Variants in SHISA9 observed in about 807,000 individuals in gnomAD.
The protein encoded by SHISA9 is protein shisa-9.
A neutral mutation model predicts 38.0 loss-of-function variants in SHISA9; 13 were observed. That is an observed-to-expected ratio of 0.34 (90% CI 0.22 to 0.54). The LOEUF (loss-of-function observed/expected upper bound fraction) is 0.54. Among genes scored for constraint, SHISA9 ranks in the 20% least tolerant of loss-of-function variants. The pLI is 0.91. For synonymous variants in SHISA9, 275 were observed against 242.0 expected (o/e 1.14, Z -1.27); for missense variants, 538 against 575.8 (o/e 0.93, Z 0.67).
the SHISA9 span, among the ~76,000 whole-genome samples, chr16:13,553,957 CA>C: frequency 6.6e-6 from 1 of 152,014 alleles, no homozygotes; most frequent in Non-Finnish European, 1.5e-5. Flanking sequence ...TAAAGGATTA[CA>C]AATAAAATCC....
intron 2 of SHISA9, among the ~76,000 whole-genome samples, chr16:12,953,242 A>AAC (rs2141779052): frequency 1.3e-5 from 2 of 151,786 alleles, no homozygotes; most frequent in East Asian, 1.9e-4. Context: ...ACAACAACAA[A>AAC]AAACAGCCAA....
chr16:13,398,119 G>GTC, the SHISA9 span, among the ~76,000 whole-genome samples: 1 of 152,172 alleles, frequency 6.6e-6, no homozygotes, highest in Non-Finnish European at 1.5e-5. Context: ...AGCCGCTTGT[G>GTC]TCTCTGCCTA....
At chr16:12,976,255 C>CT (rs1023848719) in intron 2 of SHISA9, among the ~76,000 whole-genome samples, 5 of 151,918 alleles carry the variant, frequency 3.3e-5, no homozygotes, top group Non-Finnish European at 7.4e-5. Context: ...ACTCAGCTAA[C>CT]TTTTTTTGTA....
At chr16:13,033,280 C>A (rs566975089) in intron 2 of SHISA9, among the ~76,000 whole-genome samples, 2 of 152,112 alleles carry the variant, frequency 1.3e-5, no homozygotes, top group African/African-American at 4.8e-5. Flanking sequence ...TGAAGGGAGG[C>A]GGGAAGGTGG....
the SHISA9 span, among the ~76,000 whole-genome samples, chr16:13,492,769 A>G: frequency 6.6e-6 from 1 of 152,262 alleles, no homozygotes; most frequent in Non-Finnish European, 1.5e-5. Flanking sequence ...CATTTAAAGC[A>G]GAATGTTTTG....
chr16:12,925,802 T>C (rs1047875956), intron 2 of SHISA9, among the ~76,000 whole-genome samples: 1 of 152,234 alleles, frequency 6.6e-6, no homozygotes, highest in African/African-American at 2.4e-5. Context: ...ACTATAGCAT[T>C]GATACTTAGT....
the SHISA9 span, chr16:13,458,787 TA>T: frequency 5.4e-6 from 1 of 186,800 alleles, no homozygotes. Flanking sequence ...AAACTGAATG[TA>T]AACATTTAAT....
intron 2 of SHISA9, among the ~76,000 whole-genome samples, chr16:13,167,380 C>T (rs1471689297): frequency 6.6e-6 from 1 of 152,094 alleles, no homozygotes; most frequent in African/African-American, 2.4e-5. Flanking sequence ...CCACTTTACT[C>T]CTCTTCTCAG....
intron 2 of SHISA9, among the ~76,000 whole-genome samples, chr16:13,172,077 T>C (rs1249401428): frequency 6.6e-6 from 1 of 152,144 alleles, no homozygotes; most frequent in Non-Finnish European, 1.5e-5. Context: ...CTTTCCCTCC[T>C]TCCCTCCTCT....
chr16:13,488,099 CA>C, the SHISA9 span, among the ~76,000 whole-genome samples: 1 of 152,108 alleles, frequency 6.6e-6, no homozygotes, highest in Non-Finnish European at 1.5e-5. Flanking sequence ...AATGGACCAC[CA>C]GGGGGGTTTG....
chr16:13,188,695 T>G (rs2050852783), intron 2 of SHISA9, among the ~76,000 whole-genome samples: 1 of 115,958 alleles, frequency 8.6e-6, no homozygotes, highest in Non-Finnish European at 1.6e-5. Flanking sequence ...GCAGCCTGGG[T>G]GACAGAGCAA....
chr16:13,210,661 T>G (rs1201891945), intron 3 of SHISA9, among the ~76,000 whole-genome samples: 1 of 152,200 alleles, frequency 6.6e-6, no homozygotes, highest in Non-Finnish European at 1.5e-5. Context: ...TTTAATTTCT[T>G]TTCAAGTTAG....
At chr16:13,270,364 A>C in the SHISA9 span, among the ~76,000 whole-genome samples, 1 of 152,190 alleles carries the variant, frequency 6.6e-6, no homozygotes, top group Non-Finnish European at 1.5e-5. Context: ...CTCCACTGGA[A>C]TTTTGAAAGG....
chr16:13,222,386 T>A (rs1257400764), intron 4 of SHISA9, among the ~76,000 whole-genome samples: 2 of 152,200 alleles, frequency 1.3e-5, no homozygotes, highest in African/African-American at 2.4e-5. Flanking sequence ...CTTGTCCTCA[T>A]CTGCATTGTT....
At chr16:13,080,022 AGAAACCAGG>A (rs1056489243) in intron 2 of SHISA9, among the ~76,000 whole-genome samples, 24 of 152,294 alleles carry the variant, frequency 1.6e-4, no homozygotes, top group Middle Eastern at 3.4e-3. Flanking sequence ...CGGGGGATCC[AGAAACCAGG>A]GAAATTTTAG....
At chr16:13,378,460 C>G in the SHISA9 span, among the ~76,000 whole-genome samples, 1 of 152,136 alleles carries the variant, frequency 6.6e-6, no homozygotes, top group Non-Finnish European at 1.5e-5. Context: ...TAAACCCTGC[C>G]TGCGTCTTGT....
intron 2 of SHISA9, among the ~76,000 whole-genome samples, chr16:12,971,670 G>T (rs11075176): frequency 6.6e-6 from 1 of 151,720 alleles, no homozygotes; most frequent in Non-Finnish European, 1.5e-5. Flanking sequence ...ACGACATATC[G>T]TACCAGATTA....
the SHISA9 span, chr16:13,332,653 C>T: frequency 6.6e-6 from 1 of 152,150 alleles, no homozygotes; most frequent in Admixed American, 6.5e-5. Flanking sequence ...CCTCTGATCC[C>T]CCCAGAGACT....
chr16:13,505,289 G>T, the SHISA9 span, among the ~76,000 whole-genome samples: 1 of 152,302 alleles, frequency 6.6e-6, no homozygotes, highest in East Asian at 1.9e-4. Context: ...GAAGCTTTTT[G>T]TGGCTCTGCC....
Sources: gnomAD v4.1 joint callset for allele counts (sites outside exome capture counted in the v4.1 genomes callset) on GRCh38, gnomAD v4.1.1 for gene constraint, MANE v1.5 for transcripts, NCBI Gene and HGNC (gene_info 2026-07-23, HGNC 2026-07-21) for gene names.